Variants in VPS50 observed in about 807,000 individuals in gnomAD.
VPS50 encodes VPS50 subunit of EARP/GARPII complex.
Under a neutral mutation model 139.7 loss-of-function variants are expected in VPS50, and 70 were observed. The observed-to-expected ratio is 0.50, with a 90% CI of 0.41 to 0.61. The LOEUF is 0.61. Ranked by LOEUF, VPS50 falls within the 20% of genes least tolerant of loss-of-function variation. VPS50 has a pLI of 0.00. For synonymous variants in VPS50, 365 were observed against 376.7 expected (o/e 0.97, Z 0.36); for missense variants, 921 against 1,133.7 (o/e 0.81, Z 2.69).
At chr7:93,305,139 A>G (rs1797079257) in intron 17 of VPS50, among the ~76,000 whole-genome samples, 1 of 151,934 alleles carries the variant, frequency 6.6e-6, no homozygotes, top group South Asian at 2.1e-4. Flanking sequence ...TTTAGAGATT[A>G]TTCCAACTTT....
At chr7:93,236,141 T>G (rs1794794182) in intron 1 of VPS50, among the ~76,000 whole-genome samples, 1 of 152,036 alleles carries the variant, frequency 6.6e-6, no homozygotes, top group African/African-American at 2.4e-5. Flanking sequence ...AGTAAAGAAT[T>G]TAAAAGAGTA....
chr7:93,342,547 A>G (rs573995438), intron 23 of VPS50, among the ~76,000 whole-genome samples: 2 of 152,334 alleles, frequency 1.3e-5, no homozygotes, highest in South Asian at 2.1e-4. Context: ...ACAAAAAGAC[A>G]GCAGTAACCT....
At chr7:93,356,853 A>T (rs1798721966) in intron 27 of VPS50, among the ~76,000 whole-genome samples, 1 of 152,170 alleles carries the variant, frequency 6.6e-6, no homozygotes, top group African/African-American at 2.4e-5. Flanking sequence ...TTGGGTAAGA[A>T]AATAATTATT....
At chr7:93,338,463 A>G (rs1798125273) in intron 22 of VPS50, among the ~76,000 whole-genome samples, 1 of 152,198 alleles carries the variant, frequency 6.6e-6, no homozygotes, top group Non-Finnish European at 1.5e-5. Context: ...CCTAAAGGAA[A>G]TAGGAGAGTG....
At chr7:93,289,588 T>C (rs1796591042) in intron 12 of VPS50, among the ~76,000 whole-genome samples, 1 of 152,118 alleles carries the variant, frequency 6.6e-6, no homozygotes, top group Non-Finnish European at 1.5e-5. Context: ...GAAAGTCTTT[T>C]TCTATATCAA....
Position 93,349,887 on chromosome 7 carries a change from G to A in VPS50, c.2317G>A (p.Ala773Thr), listed in dbSNP as rs191341151. Residue 773 changes from alanine (A) to threonine (T), a missense_variant, in exon 25 of 28, where the codon GCC becomes ACC. Coordinates refer to ENST00000305866, the MANE Select transcript of VPS50 (RefSeq NM_017667.4). ...AAATTTATTTCAGACAGTCTCAACC[G>A]CCAGTGAACTACGGAAACCAATTTA... ...QQFYSQTVST[A>T]SELRKPIYWI... 5,646 of 1,610,248 alleles carry A rather than the reference G, an allele frequency of 3.5e-3. 18 individuals carry two copies. Among genetic ancestry groups the A allele is most frequent in the Non-Finnish European group, 4.0e-3 (4,725 of 1,178,522 alleles).
At chr7:93,308,385 G>A (rs1797175227) in intron 18 of VPS50, among the ~76,000 whole-genome samples, 1 of 151,902 alleles carries the variant, frequency 6.6e-6, no homozygotes, top group Non-Finnish European at 1.5e-5. Context: ...ACATCAGCAT[G>A]TGTGTTGCAT....
At chr7:93,261,044 C>T (rs545056550) in intron 9 of VPS50, among the ~76,000 whole-genome samples, 25 of 152,202 alleles carry the variant, frequency 1.6e-4, no homozygotes, top group East Asian at 9.6e-4. Flanking sequence ...AGAAACTTGA[C>T]GATGTCATTT....
intron 2 of VPS50, chr7:93,246,235 G>A: frequency 6.8e-6 from 5 of 732,748 alleles, no homozygotes; most frequent in Non-Finnish European, 1.2e-5. Flanking sequence ...GATTTGCTGT[G>A]GCAAACCGCA....
At chr7:93,355,290 G>T (rs1016335768) in intron 26 of VPS50, among the ~76,000 whole-genome samples, 2 of 152,010 alleles carry the variant, frequency 1.3e-5, no homozygotes, top group Non-Finnish European at 2.9e-5. Context: ...TATTGTTAGG[G>T]TTTGTATATT....
chr7:93,263,370 A>G (rs1258027244), intron 9 of VPS50, among the ~76,000 whole-genome samples: 5 of 152,234 alleles, frequency 3.3e-5, no homozygotes, highest in African/African-American at 1.2e-4. Context: ...AGAATCATAA[A>G]TGTTTTCCTT....
chr7:93,268,109 C>T (rs945092496), intron 9 of VPS50, among the ~76,000 whole-genome samples: 1 of 152,302 alleles, frequency 6.6e-6, no homozygotes, highest in African/African-American at 2.4e-5. Flanking sequence ...GACTAGATAG[C>T]ACTTGCCTTG....
At chr7:93,235,451 C>T (rs991961890) in intron 1 of VPS50, among the ~76,000 whole-genome samples, 2 of 152,064 alleles carry the variant, frequency 1.3e-5, no homozygotes, top group Non-Finnish European at 2.9e-5. Context: ...CGGAAAAGAG[C>T]AAAACCAGGG....
At chr7:93,312,205 G>GA (rs1797289282) in intron 20 of VPS50, among the ~76,000 whole-genome samples, 1 of 152,140 alleles carries the variant, frequency 6.6e-6, no homozygotes, top group South Asian at 2.1e-4. Flanking sequence ...ATGATGCTCA[G>GA]AAAAAAGGAT....
At chr7:93,342,066 C>G (rs569738568) in intron 23 of VPS50, among the ~76,000 whole-genome samples, 1 of 152,172 alleles carries the variant, frequency 6.6e-6, no homozygotes, top group Non-Finnish European at 1.5e-5. Flanking sequence ...TCTGAGGTAC[C>G]GGGTTCATCT....
Position 93,246,202 on chromosome 7 carries a change from G to A in VPS50, c.102+6268G>A. 6 of 937,502 alleles carry A rather than the reference G, an allele frequency of 6.4e-6. No individual in the cohort carries two copies. In the South Asian group the frequency reaches 9.0e-5, roughly 14 times the overall value. 58.1% of individuals were successfully genotyped at this position (937,502 alleles called of 1,614,324 possible). ...GTTGACGAATGAAGAAATGCAAACAGTAAAAAAAAGTCTTTGATCAAAGAT... is the reference window on the plus strand; with the variant it reads ...GTTGACGAATGAAGAAATGCAAACAATAAAAAAAAGTCTTTGATCAAAGAT... On this transcript the variant is annotated intron_variant, in intron 2 of 27. Transcript: ENST00000305866.
chr7:93,263,343 T>C (rs1795744928), intron 9 of VPS50, among the ~76,000 whole-genome samples: 1 of 152,248 alleles, frequency 6.6e-6, no homozygotes, highest in Admixed American at 6.5e-5. Context: ...TCTATTCTAA[T>C]TCTTGTTGAT....
intron 16 of VPS50, among the ~76,000 whole-genome samples, chr7:93,302,263 T>C (rs1005647410): frequency 1.1e-4 from 17 of 152,134 alleles, no homozygotes; most frequent in Non-Finnish European, 2.2e-4. Context: ...TTGCTTTTGC[T>C]TGTTCTCTGT....
chr7:93,326,857 C>G (rs910828299), intron 21 of VPS50, among the ~76,000 whole-genome samples: 2 of 151,966 alleles, frequency 1.3e-5, no homozygotes, highest in African/African-American at 4.8e-5. Context: ...TTGCTGTGAT[C>G]ACAAGTATGT....
Sources: allele counts gnomAD v4.1 joint callset (sites outside exome capture counted in the v4.1 genomes callset), GRCh38; gene constraint gnomAD v4.1.1; transcripts MANE v1.5; gene names NCBI Gene and HGNC (gene_info 2026-07-23, HGNC 2026-07-21).